The following PTPRZ1 variants were observed in gnomAD, a reference collection of about 807,000 sequenced individuals.
The protein encoded by PTPRZ1 is receptor-type tyrosine-protein phosphatase zeta.
A neutral mutation model predicts 214.1 loss-of-function variants in PTPRZ1; 82 were observed. That is an observed-to-expected ratio of 0.38 (90% confidence interval 0.32 to 0.46). The LOEUF (loss-of-function observed/expected upper bound fraction) is 0.46, where lower values mean the gene tolerates loss of function less well. PTPRZ1 is among the 20% of genes least tolerant of loss of function. The pLI is 1.00. For synonymous variants in PTPRZ1, 945 were observed against 987.9 expected (o/e 0.96, Z 0.81); for missense variants, 2,603 against 2,748.7 (o/e 0.95, Z 1.19).
rs185252025 is a variant in PTPRZ1, at chr7:121,992,070, C to T, written c.929-4312C>T. Among the ~76,000 whole-genome samples the T allele has an allele frequency of 2.5e-3, 379 of 152,336 alleles. 3 individuals carry two copies. The highest frequency in any genetic ancestry group is 6.8e-3 in the Middle Eastern group (2 of 294). On this transcript the variant is annotated intron_variant, in intron 8 of 29. Transcript: ENST00000393386. ...ATGAGCTGTGTTATACTGTACAGAA[C>T]TTCAAATTAGTGGGAAATAACTGAG...
intron 2 of PTPRZ1, among the ~76,000 whole-genome samples, chr7:121,942,046 A>T (rs901435597): frequency 6.6e-6 from 1 of 152,196 alleles, no homozygotes; most frequent in African/African-American, 2.4e-5. Context: ...ATCCAAGCTC[A>T]GTGAGAATCA....
At position 121,984,046 on chromosome 7, in the gene PTPRZ1, G is replaced by T; in HGVS notation, c.857G>T (p.Arg286Leu). 1 of 1,613,436 alleles carries T rather than the reference G, an allele frequency of 6.2e-7. No homozygotes were observed. The highest frequency in any genetic ancestry group is 8.5e-7 in the Non-Finnish European group (1 of 1,179,662). ...MLMDYLQNNF[R>L]EQQYKFSRQV... ...ATGGACTACTTACAAAACAATTTTCGAGAGCAACAGTACAAGTTCTCTAGA... is the reference window on the plus strand; with the variant it reads ...ATGGACTACTTACAAAACAATTTTCTAGAGCAACAGTACAAGTTCTCTAGA... The change falls in exon 8 of 30, where the codon CGA (arginine) becomes CTA (leucine). Residue 286 changes from arginine to leucine, a missense_variant. By Grantham distance (102) the Arg-to-Leu change is moderately radical. Around this residue, in one of 6 missense-constraint regions of PTPRZ1, gnomAD observed 244 missense variants for 333.2 expected, o/e 0.73. Coordinates refer to ENST00000393386, the MANE Select transcript of PTPRZ1 (RefSeq NM_002851.3).
chr7:122,040,961 C>T lies in PTPRZ1; in HGVS notation c.5783C>T (p.Pro1928Leu), dbSNP rs781450702. The T allele has an allele frequency of 4.5e-6, 7 of 1,567,222 alleles. No individual in the cohort carries two copies. Among genetic ancestry groups the T allele is most frequent in the Non-Finnish European group, 6.1e-6 (7 of 1,148,120 alleles). The stretch of plus-strand genomic sequence containing the variant: ...TATGCCAAGCGCCATGCAGTGGGGC[C>T]TGTTGTCGTCCACTGCAGGTGAGTC... ...AAYAKRHAVGPVVVHCSAGVG... is the reference protein window; with the variant it reads ...AAYAKRHAVGLVVVHCSAGVG... Residue 1928 changes from proline (P) to leucine (L), a missense_variant, in exon 21 of 30, where the codon CCT (proline) becomes CTT (leucine). Pro to Leu is a moderately conservative substitution (Grantham distance 98, BLOSUM62 -3). This residue lies in a region of PTPRZ1 where 1,913 missense variants were observed against 1,914.3 expected (regional missense o/e 1.00). Transcript: ENST00000393386.
At chr7:122,020,816 T>G (rs1219165228) in intron 13 of PTPRZ1, among the ~76,000 whole-genome samples, 2 of 129,866 alleles carry the variant, frequency 1.5e-5, no homozygotes, top group Non-Finnish European at 3.3e-5. Context: ...ATTCCAATAA[T>G]TGCCAAAGAT....
At chr7:122,032,465 G>A (rs1261212995) in intron 15 of PTPRZ1, among the ~76,000 whole-genome samples, 1 of 152,118 alleles carries the variant, frequency 6.6e-6, no homozygotes. Flanking sequence ...GCTGTCTTCA[G>A]CCTCCCCGCT....
At chr7:121,997,360 A>T (rs1004317711) in intron 9 of PTPRZ1, among the ~76,000 whole-genome samples, 3 of 152,204 alleles carry the variant, frequency 2.0e-5, no homozygotes, top group Non-Finnish European at 2.9e-5. Flanking sequence ...AAATTTTAGT[A>T]ACCTTTTAAT....
intron 2 of PTPRZ1, among the ~76,000 whole-genome samples, chr7:121,954,630 A>G (rs888089568): frequency 2.0e-5 from 3 of 152,132 alleles, no homozygotes; most frequent in African/African-American, 4.8e-5. Context: ...GACAGTTTTT[A>G]TATCTTTGGT....
rs769516777 is a variant in PTPRZ1 at position 122,011,116 on chromosome 7, C to T, written c.2070C>T (p.Thr690=). The T allele has an allele frequency of 1.9e-6, 3 of 1,613,992 alleles. No homozygotes were observed. Among genetic ancestry groups the T allele is most frequent in the Non-Finnish European group, 2.5e-6 (3 of 1,180,016 alleles). ...GTGTTGATGAATCTGAGAAGACAAC[C>T]AAGTCCTTTTCTGCAGGCCCAGTGA... The part of the protein sequence containing the change: ...EIRVDESEKT[T]KSFSAGPVMS... The change falls in exon 12 of 30, where the codon ACC becomes ACT. Residue 690 remains threonine (T), a synonymous_variant. Transcript: ENST00000393386.
At chr7:121,915,060 C>G (rs779039341) in intron 1 of PTPRZ1, among the ~76,000 whole-genome samples, 1 of 152,246 alleles carries the variant, frequency 6.6e-6, no homozygotes, top group East Asian at 1.9e-4. Context: ...CCCTGCTAAT[C>G]AAGACCCACT....
intron 17 of PTPRZ1, 130 bp from the exon 18 acceptor site, chr7:122,036,470 A>G: frequency 1.5e-6 from 1 of 647,148 alleles, no homozygotes; most frequent in South Asian, 2.1e-5. Context: ...ATCCCCAAAA[A>G]GCCTATGAAA....
chr7:121,876,545 A>G (rs1029820178), intron 1 of PTPRZ1, among the ~76,000 whole-genome samples: 2 of 96,598 alleles, frequency 2.1e-5, no homozygotes, highest in Non-Finnish European at 3.9e-5. Context: ...TATGCTGGTT[A>G]TAGAGTCTGA....
intron 2 of PTPRZ1, among the ~76,000 whole-genome samples, chr7:121,959,672 A>G (rs1454182449): frequency 6.6e-6 from 1 of 152,188 alleles, no homozygotes; most frequent in African/African-American, 2.4e-5. Flanking sequence ...TGCATCTAAA[A>G]AGTGTCTTCT....
chr7:121,951,963 A>T (rs5887061), intron 2 of PTPRZ1, among the ~76,000 whole-genome samples: 20,099 of 112,236 alleles, frequency 0.18, 1,699 homozygotes, highest in Admixed American at 0.25. Flanking sequence ...TTATTTATTT[A>T]TTTTTTTTTT....
intron 3 of PTPRZ1, among the ~76,000 whole-genome samples, chr7:121,970,216 A>G (rs1194515083): frequency 6.6e-6 from 1 of 151,830 alleles, no homozygotes; most frequent in Non-Finnish European, 1.5e-5. Context: ...GGACATTTGG[A>G]TTGGTTCCAA....
At chr7:122,032,627 C>CA (rs1799416350) in intron 15 of PTPRZ1, among the ~76,000 whole-genome samples, 1 of 152,248 alleles carries the variant, frequency 6.6e-6, no homozygotes, top group African/African-American at 2.4e-5. Flanking sequence ...CCACTGCACC[C>CA]AGCAGTTGCT....
intron 6 of PTPRZ1, among the ~76,000 whole-genome samples, chr7:121,982,999 G>A (rs762778524): frequency 4.0e-4 from 61 of 152,210 alleles, no homozygotes; most frequent in Non-Finnish European, 6.9e-4. Flanking sequence ...GGATGGTCTC[G>A]AACTCCTGAC....
chr7:121,972,826 A>ACT, intron 4 of PTPRZ1, 134 bp downstream of exon 4: 2 of 744,086 alleles, frequency 2.7e-6, no homozygotes, highest in East Asian at 6.3e-5. Context: ...TGATTAATAT[A>ACT]CTAGACTAAG....
At chr7:122,053,371 A>G (rs952891154) in intron 25 of PTPRZ1, among the ~76,000 whole-genome samples, 1 of 152,150 alleles carries the variant, frequency 6.6e-6, no homozygotes, top group African/African-American at 2.4e-5. Context: ...TTCTGTAGTG[A>G]AATGGTCACT....
intron 13 of PTPRZ1, among the ~76,000 whole-genome samples, chr7:122,024,621 T>C (rs1455518874): frequency 6.6e-6 from 1 of 152,094 alleles, no homozygotes; most frequent in African/African-American, 2.4e-5. Flanking sequence ...CTTACAAGCT[T>C]TTTGGTATTA....
Sources: allele counts gnomAD v4.1 joint callset (sites outside exome capture counted in the v4.1 genomes callset), GRCh38; gene constraint gnomAD v4.1.1; regional missense constraint gnomAD v4.1.1; transcripts MANE v1.5; gene names NCBI Gene and HGNC (gene_info 2026-07-23, HGNC 2026-07-21).